Variants in ACSM5 observed in about 807,000 individuals in gnomAD.
The protein encoded by ACSM5 is acyl-coenzyme A synthetase ACSM5, mitochondrial.
Under a neutral mutation model 71.6 loss-of-function variants are expected in ACSM5, and 56 were observed. That is an observed-to-expected ratio of 0.78 (90% CI 0.63 to 0.98). ACSM5 has a LOEUF of 0.98. Among genes scored for constraint, ACSM5 ranks in the 50% least tolerant of loss-of-function variants. The pLI, the probability that ACSM5 is intolerant of heterozygous loss-of-function variation, is 0.00. For missense variants in ACSM5, 723 were observed against 726.0 expected (o/e 1.00, Z 0.05); for synonymous variants, 285 against 281.5 (o/e 1.01, Z -0.12).
Position 20,419,209 on chromosome 16 carries a change from C to G in ACSM5, c.416-19C>G, listed in dbSNP as rs181913653. On this transcript the variant is annotated intron_variant, in intron 3 of 13. Coordinates refer to ENST00000331849, the MANE Select transcript of ACSM5 (RefSeq NM_017888.3). ...CCTTCCCCGCTATCCACTCAACATC[C>G]CCTTCTGTTTTATGCCAGGGACTGT... 753 of 1,613,714 alleles carry G rather than the reference C, an allele frequency of 4.7e-4. 4 individuals carry two copies. The African/African-American group carries it at 9.0e-3, about 19-fold the overall frequency.
At chr16:20,412,084 G>A in intron 2 of ACSM5, 1 of 243,772 alleles carries the variant, frequency 4.1e-6, no homozygotes, top group Admixed American at 5.0e-5. Flanking sequence ...GGTGGCTCAT[G>A]ACCATAATCC....
In ACSM5 at chr16:20,419,445, G is replaced by A; in HGVS notation, c.623+10G>A. 6.2e-7 allele frequency: 1 copy of A among 1,613,498 alleles called. No homozygotes were observed. The highest frequency in any genetic ancestry group is 2.2e-5 in the East Asian group (1 of 44,880). Reference sequence around the variant, plus strand: ...TCAGGGAACTCCTCCGGTGAATTGGGGCTCTCCAGAACAGCAGAAAAATGA... The same window carrying A: ...TCAGGGAACTCCTCCGGTGAATTGGAGCTCTCCAGAACAGCAGAAAAATGA... On this transcript the variant is annotated intron_variant, in intron 4 of 13. Transcript: ENST00000331849.
intron 12 of ACSM5, among the ~76,000 whole-genome samples, chr16:20,438,694 G>A (rs1333806178): frequency 6.6e-6 from 1 of 151,738 alleles, no homozygotes; most frequent in African/African-American, 2.4e-5. Context: ...GGTGGCTCAT[G>A]TCTGTAATCC....
At chr16:20,422,618 G>A (rs1966901497) in intron 5 of ACSM5, among the ~76,000 whole-genome samples, 1 of 152,160 alleles carries the variant, frequency 6.6e-6, no homozygotes, top group Non-Finnish European at 1.5e-5. Context: ...GAAGCATTGG[G>A]TATTTTGAGC....
At chr16:20,426,019 G>A (rs1035030302) in intron 6 of ACSM5, among the ~76,000 whole-genome samples, 1 of 152,182 alleles carries the variant, frequency 6.6e-6, no homozygotes, top group Non-Finnish European at 1.5e-5. Context: ...GTTTTCCACA[G>A]TGGTTGTACT....
chr16:20,437,035 T>C lies in ACSM5; in HGVS notation c.1309-17T>C. 3 of 1,614,018 alleles carry C rather than the reference T, an allele frequency of 1.9e-6. No homozygotes were observed. Among genetic ancestry groups the C allele is most frequent in the Non-Finnish European group, 2.5e-6 (3 of 1,179,970 alleles). ...TTGTTCCCAGAGGGTCCTTCACGGG[T>C]TGTCTTTGTCTTTCAGGACAATCCT... On this transcript the variant is annotated splice_polypyrimidine_tract_variant and intron_variant, in intron 10 of 13. Transcript: ENST00000331849.
chr16:20,427,579 C>G lies in ACSM5; in HGVS notation c.922-209C>G, dbSNP rs138335104. 9.2e-5 allele frequency among the ~76,000 whole-genome samples: 14 copies of G among 152,298 alleles called. No homozygotes were observed. In the East Asian group the frequency reaches 2.7e-3, roughly 29 times the overall value. On this transcript the variant is annotated intron_variant, in intron 6 of 13. Transcript: ENST00000331849. ...GCAGTATGCCATTGCTGTCACAGACCCACTTTGGTATGAGGTGAGAGGGGA... is the reference window on the plus strand; with the variant it reads ...GCAGTATGCCATTGCTGTCACAGACGCACTTTGGTATGAGGTGAGAGGGGA...
At position 20,419,313 on chromosome 16, in the gene ACSM5, C is replaced by A. The variant is rs776524157; in HGVS notation, c.501C>A (p.Ile167=). The part of the protein sequence containing the change: ...RLQASRAKSI[I]TSDSLAPRVD... ...AGGCGTCCAGGGCCAAGTCCATTAT[C>A]ACCAGTGACTCCCTAGCTCCAAGGG... The change falls in exon 4 of 14, where the codon ATC becomes ATA. Residue 167 remains isoleucine, a synonymous_variant. Transcript: ENST00000331849. The A allele has an allele frequency of 6.2e-7, 1 of 1,614,022 alleles. No individual in the cohort carries two copies. Among genetic ancestry groups the A allele is most frequent in the Non-Finnish European group, 8.5e-7 (1 of 1,180,026 alleles).
intron 10 of ACSM5, among the ~76,000 whole-genome samples, chr16:20,431,544 A>C (rs1307280428): frequency 6.6e-6 from 1 of 152,200 alleles, no homozygotes; most frequent in Non-Finnish European, 1.5e-5. Flanking sequence ...TAGTACAGGC[A>C]GGACATGGGA....
chr16:20,421,734 T>G (rs541343845), intron 5 of ACSM5, among the ~76,000 whole-genome samples: 1 of 150,914 alleles, frequency 6.6e-6, no homozygotes, highest in East Asian at 1.9e-4. Context: ...TTTTAACCAT[T>G]TTAAGTGTAC....
At chr16:20,431,869 T>C (rs1186380887) in intron 10 of ACSM5, among the ~76,000 whole-genome samples, 2 of 151,806 alleles carry the variant, frequency 1.3e-5, no homozygotes, top group Non-Finnish European at 2.9e-5. Flanking sequence ...GAGAATTGCT[T>C]GAACCAGGGA....
At chr16:20,419,712 TA>T in intron 4 of ACSM5, 1 of 483,454 alleles carries the variant, frequency 2.1e-6, no homozygotes, top group Non-Finnish European at 3.8e-6. Context: ...GTACATGAAA[TA>T]ACCAATATGG....
intron 10 of ACSM5, among the ~76,000 whole-genome samples, chr16:20,433,888 G>A (rs1010597673): frequency 2.7e-5 from 4 of 149,910 alleles, no homozygotes; most frequent in African/African-American, 9.8e-5. Flanking sequence ...TGTTGCCTAG[G>A]CTGGTTTTGA....
chr16:20,438,468 T>C (rs1967246643), intron 12 of ACSM5, among the ~76,000 whole-genome samples: 1 of 151,746 alleles, frequency 6.6e-6, no homozygotes, highest in Non-Finnish European at 1.5e-5. Context: ...GGCCAAGTGA[T>C]TCCCCTCTAA....
intron 10 of ACSM5, among the ~76,000 whole-genome samples, 159 bp from the exon 11 acceptor site, chr16:20,436,893 A>G (rs372691596): frequency 0.065 from 9,796 of 151,456 alleles, 686 homozygotes; most frequent in African/African-American, 0.17. Context: ...CAGGGCCATA[A>G]CTCCCTGTCC....
At chr16:20,414,859 G>C (rs1966853644) in intron 2 of ACSM5, among the ~76,000 whole-genome samples, 1 of 152,196 alleles carries the variant, frequency 6.6e-6, no homozygotes, top group African/African-American at 2.4e-5. Context: ...TGACAGATGA[G>C]ACTGTATTGT....
At chr16:20,411,182 T>C (rs1190401553) in intron 1 of ACSM5, among the ~76,000 whole-genome samples, 1 of 152,240 alleles carries the variant, frequency 6.6e-6, no homozygotes, top group Admixed American at 6.5e-5. Context: ...CAAAGCCTTT[T>C]TGAGGGATTC....
At chr16:20,416,240 A>G (rs2141641649) in intron 2 of ACSM5, among the ~76,000 whole-genome samples, 1 of 151,444 alleles carries the variant, frequency 6.6e-6, no homozygotes, top group Non-Finnish European at 1.5e-5. Context: ...TGATTCAAAA[A>G]CTCGTATGGA....
chr16:20,417,642 A>G (rs1966859513), intron 2 of ACSM5, among the ~76,000 whole-genome samples: 1 of 152,222 alleles, frequency 6.6e-6, no homozygotes, highest in Non-Finnish European at 1.5e-5. Flanking sequence ...TGGTTACACA[A>G]CCTTGTGAAC....
Sources: gnomAD v4.1 joint callset for allele counts (sites outside exome capture counted in the v4.1 genomes callset) on GRCh38, gnomAD v4.1.1 for gene constraint, MANE v1.5 for transcripts, NCBI Gene and HGNC (gene_info 2026-07-23, HGNC 2026-07-21) for gene names.